Variants in NAALADL2 observed in about 807,000 individuals in gnomAD.
NAALADL2 encodes N-acetylated alpha-linked acidic dipeptidase like 2.
Under a neutral mutation model 87.2 loss-of-function variants are expected in NAALADL2, and 76 were observed. That is an observed-to-expected ratio of 0.87 (90% confidence interval 0.72 to 1.05). The LOEUF is 1.05. Among genes scored for constraint, NAALADL2 ranks in the 50% least tolerant of loss-of-function variants. NAALADL2 has a pLI of 0.00. For missense variants in NAALADL2, 1,089 were observed against 945.8 expected, an observed-to-expected ratio of 1.15 and a Z score of -1.99; for synonymous variants, 354 against 331.0, an observed-to-expected ratio of 1.07 and a Z score of -0.75.
intron 9 of NAALADL2, among the ~76,000 whole-genome samples, chr3:175,561,262 C>A (rs1716229095): frequency 6.6e-6 from 1 of 152,100 alleles, no homozygotes. Flanking sequence ...CTTCCCTATA[C>A]TTTAATCTCA....
In NAALADL2 at chr3:174,697,345, C is replaced by T. The variant is rs113231455; in HGVS notation, c.-114-40296C>T. On this transcript the variant is annotated intron_variant, in intron 2 of 3. Transcript: ENST00000434257. ...AACATAAAAGGCATAATCACTTAAA[C>T]GTTTCCTATGCCTGGAAAATTCTGT... Among the ~76,000 whole-genome samples, 770 of 152,236 alleles carry T rather than the reference C, an allele frequency of 5.1e-3. 3 individuals are homozygous for T. The highest frequency in any genetic ancestry group is 7.7e-3 in the Non-Finnish European group (523 of 68,000).
At chr3:174,657,248 G>C (rs1304417803) in intron 2 of NAALADL2, among the ~76,000 whole-genome samples, 2 of 151,686 alleles carry the variant, frequency 1.3e-5, no homozygotes, top group African/African-American at 4.8e-5. Context: ...TGCTGGTCTC[G>C]AACTCCTGGG....
intron 1 of NAALADL2, among the ~76,000 whole-genome samples, chr3:174,873,626 C>T (rs748884506): frequency 8.6e-5 from 13 of 151,872 alleles, no homozygotes; most frequent in Non-Finnish European, 1.3e-4. Context: ...CAGTTTAGTG[C>T]TTTTGAACAT....
intron 10 of NAALADL2, among the ~76,000 whole-genome samples, chr3:175,587,659 G>A (rs1015477788): frequency 9.2e-5 from 14 of 151,952 alleles, no homozygotes; most frequent in Admixed American, 5.2e-4. Context: ...TTAGACTCCC[G>A]AGAATCCCAT....
chr3:175,391,047 G>T (rs1337441308), intron 5 of NAALADL2, among the ~76,000 whole-genome samples: 1 of 152,128 alleles, frequency 6.6e-6, no homozygotes, highest in Non-Finnish European at 1.5e-5. Flanking sequence ...AGCATCTGGT[G>T]CATGAGACTT....
intron 4 of NAALADL2, among the ~76,000 whole-genome samples, chr3:175,318,218 G>T (rs1298598283): frequency 6.6e-6 from 1 of 151,890 alleles, no homozygotes; most frequent in African/African-American, 2.4e-5. Context: ...TGTTTATTTT[G>T]TACTGATAAG....
intron 5 of NAALADL2, among the ~76,000 whole-genome samples, chr3:175,343,906 A>G (rs1435292240): frequency 6.6e-6 from 1 of 151,964 alleles, no homozygotes; most frequent in East Asian, 1.9e-4. Flanking sequence ...TTGTCTGTAA[A>G]GAGGAAAGAG....
At chr3:175,401,091 C>T (rs1430823821) in intron 5 of NAALADL2, among the ~76,000 whole-genome samples, 1 of 152,082 alleles carries the variant, frequency 6.6e-6, no homozygotes, top group Non-Finnish European at 1.5e-5. Context: ...GAATACACAC[C>T]AGTAGGTCAA....
chr3:175,693,962 G>A (rs1737396499), intron 11 of NAALADL2, among the ~76,000 whole-genome samples: 2 of 152,078 alleles, frequency 1.3e-5, no homozygotes, highest in South Asian at 4.1e-4. Flanking sequence ...CAAAGTGCTA[G>A]GATTACAGTC....
chr3:174,899,765 G>A (rs1202246100), intron 1 of NAALADL2, among the ~76,000 whole-genome samples: 1 of 151,948 alleles, frequency 6.6e-6, no homozygotes, highest in Non-Finnish European at 1.5e-5. Context: ...AGAATTTCCA[G>A]TGTTTTTTTC....
intron 1 of NAALADL2, among the ~76,000 whole-genome samples, chr3:174,450,012 CACAT>C (rs1181483946): frequency 7.3e-6 from 1 of 137,412 alleles, no homozygotes; most frequent in Non-Finnish European, 1.6e-5. Context: ...ATATACACAA[CACAT>C]ACATACACAC....
chr3:175,138,083 G>T (rs1729400921), intron 2 of NAALADL2, among the ~76,000 whole-genome samples: 1 of 152,170 alleles, frequency 6.6e-6, no homozygotes, highest in Non-Finnish European at 1.5e-5. Context: ...CAGACCTAGA[G>T]GACTTCAAAT....
intron 2 of NAALADL2, among the ~76,000 whole-genome samples, chr3:174,652,578 T>C (rs953321568): frequency 6.7e-6 from 1 of 148,710 alleles, no homozygotes; most frequent in African/African-American, 2.6e-5. Context: ...GTGAAACTTA[T>C]TCACTATCAC....
chr3:174,447,010 T>C (rs1715109185), intron 1 of NAALADL2, among the ~76,000 whole-genome samples: 1 of 152,206 alleles, frequency 6.6e-6, no homozygotes. Flanking sequence ...TAACAAGGTA[T>C]CTTCAAGTAA....
chr3:174,959,166 A>G (rs1741600440), intron 1 of NAALADL2, among the ~76,000 whole-genome samples: 1 of 152,024 alleles, frequency 6.6e-6, no homozygotes, highest in South Asian at 2.1e-4. Context: ...TTTAGTTTGT[A>G]AAAACCAGGC....
At chr3:175,596,439 C>T (rs1722255356) in intron 10 of NAALADL2, among the ~76,000 whole-genome samples, 1 of 151,910 alleles carries the variant, frequency 6.6e-6, no homozygotes, top group Non-Finnish European at 1.5e-5. Flanking sequence ...ACGTCCTTAT[C>T]CATTGTAAAT....
intron 2 of NAALADL2, among the ~76,000 whole-genome samples, chr3:174,696,593 T>TAAAAAAAAA (rs62946360): frequency 3.6e-5 from 4 of 110,526 alleles, no homozygotes; most frequent in East Asian, 2.2e-4. Flanking sequence ...TGTAGTTATC[T>TAAAAAAAAA]AAAAAAAAAA....
intron 9 of NAALADL2, 88 bp downstream of exon 9, chr3:175,471,846 T>G (rs2149293750): frequency 9.2e-7 from 1 of 1,089,070 alleles, no homozygotes; most frequent in East Asian, 2.7e-5. Flanking sequence ...TCATTTATTT[T>G]TAAATATGCA....
chr3:175,048,382 C>T (rs55804433), intron 1 of NAALADL2, among the ~76,000 whole-genome samples: 29,935 of 152,038 alleles, frequency 0.2, 3,649 homozygotes, highest in Non-Finnish European at 0.28. Flanking sequence ...AGGAAGGCCC[C>T]CAAAGCCCTT....
Sources: gnomAD v4.1 joint callset for allele counts (sites outside exome capture counted in the v4.1 genomes callset) on GRCh38, gnomAD v4.1.1 for gene constraint, MANE v1.5 for transcripts, NCBI Gene and HGNC (gene_info 2026-07-23, HGNC 2026-07-21) for gene names.